The following NRCAM variants were observed in gnomAD, a reference collection of about 807,000 sequenced individuals.
The protein encoded by NRCAM is NgCAM-related cell adhesion molecule.
In NRCAM, 83 loss-of-function variants were observed where a neutral mutation model predicts 156.5. That is an observed-to-expected ratio of 0.53 (90% confidence interval 0.44 to 0.64). The LOEUF (loss-of-function observed/expected upper bound fraction) is 0.64. NRCAM is among the 30% of genes least tolerant of loss of function. NRCAM has a pLI of 0.00. For synonymous variants in NRCAM, 538 were observed against 563.9 expected (o/e 0.95, Z 0.65); for missense variants, 1,417 against 1,597.3 (o/e 0.89, Z 1.92).
At chr7:108,276,322 T>C (rs1479793014) in intron 3 of NRCAM, among the ~76,000 whole-genome samples, 1 of 152,196 alleles carries the variant, frequency 6.6e-6, no homozygotes, top group Non-Finnish European at 1.5e-5. Flanking sequence ...TGTCTAATAT[T>C]CACAGTGGGG....
At chr7:108,405,339 T>C (rs924015621) in intron 1 of NRCAM, among the ~76,000 whole-genome samples, 1 of 152,218 alleles carries the variant, frequency 6.6e-6, no homozygotes. Context: ...GAACATGTTT[T>C]CGGGTATGAA....
At chr7:108,375,652 T>G (rs1450745662) in intron 2 of NRCAM, among the ~76,000 whole-genome samples, 1 of 152,334 alleles carries the variant, frequency 6.6e-6, no homozygotes, top group Admixed American at 6.5e-5. Flanking sequence ...CTAATCAAGC[T>G]ATAGCTCATC....
At position 108,181,807 on chromosome 7, in the gene NRCAM, T is replaced by A. The variant is rs2063647856; in HGVS notation, c.2646+15A>T. 3 of 1,581,618 alleles carry A rather than the reference T, an allele frequency of 1.9e-6. No individual in the cohort carries two copies. In the East Asian group the frequency reaches 6.7e-5, roughly 35 times the overall value. ...CCTTACTAAATAAAGCCACAAAAGG[T>A]CCCCTTTCACTTGCCCGATAGCCTT... On this transcript the variant is annotated intron_variant, in intron 24 of 32. Transcript: ENST00000379028.
At chr7:108,239,345 C>A (rs2095372539) in intron 4 of NRCAM, among the ~76,000 whole-genome samples, 1 of 152,114 alleles carries the variant, frequency 6.6e-6, no homozygotes. Context: ...ACTGTTTAAA[C>A]CAAATAAGAC....
chr7:108,442,667 CA>C (rs1484709575), intron 1 of NRCAM, among the ~76,000 whole-genome samples: 1 of 152,202 alleles, frequency 6.6e-6, no homozygotes, highest in Non-Finnish European at 1.5e-5. Context: ...AGTACATCTG[CA>C]AAATGACTTT....
chr7:108,214,871 A>T (rs1482035378), intron 11 of NRCAM, among the ~76,000 whole-genome samples: 1 of 152,216 alleles, frequency 6.6e-6, no homozygotes, highest in Non-Finnish European at 1.5e-5. Context: ...GTAGTCACTC[A>T]GGAGCAGGTT....
intron 1 of NRCAM, among the ~76,000 whole-genome samples, chr7:108,442,195 GGATGT>G (rs1366713921): frequency 6.6e-6 from 1 of 152,186 alleles, no homozygotes. Context: ...TATGATCACA[GGATGT>G]GATGTGCAGC....
At chr7:108,303,000 A>C (rs1332384134) in intron 3 of NRCAM, among the ~76,000 whole-genome samples, 1 of 152,124 alleles carries the variant, frequency 6.6e-6, no homozygotes, top group African/African-American at 2.4e-5. Context: ...ATTGCTCTGC[A>C]GCCCAGGTTG....
At chr7:108,316,993 G>A (rs959900830) in intron 2 of NRCAM, among the ~76,000 whole-genome samples, 3 of 152,150 alleles carry the variant, frequency 2.0e-5, no homozygotes, top group African/African-American at 7.2e-5. Context: ...TCTTTGTTCA[G>A]ATGTTTAAAA....
chr7:108,270,380 A>G (rs980176138), intron 3 of NRCAM, among the ~76,000 whole-genome samples: 7 of 152,236 alleles, frequency 4.6e-5, no homozygotes, highest in African/African-American at 1.7e-4. Flanking sequence ...GAGGCTTAAT[A>G]ATAATTCATT....
intron 2 of NRCAM, among the ~76,000 whole-genome samples, chr7:108,331,135 G>A (rs189170822): frequency 9.9e-5 from 15 of 151,670 alleles, no homozygotes; most frequent in Non-Finnish European, 1.3e-4. Flanking sequence ...GTAATGGCTC[G>A]TGCCTATAAT....
chr7:108,152,391 C>T (rs1405275637), intron 32 of NRCAM, among the ~76,000 whole-genome samples: 1 of 151,110 alleles, frequency 6.6e-6, no homozygotes, highest in Non-Finnish European at 1.5e-5. Flanking sequence ...GTTCTAGGAA[C>T]ACTAAGGAGC....
chr7:108,382,655 G>A (rs939392351), intron 2 of NRCAM, among the ~76,000 whole-genome samples: 1 of 151,996 alleles, frequency 6.6e-6, no homozygotes, highest in African/African-American at 2.4e-5. Context: ...AACTAACAGG[G>A]CAATCTGTAG....
At chr7:108,416,237 T>C (rs1801419835) in intron 1 of NRCAM, among the ~76,000 whole-genome samples, 1 of 152,230 alleles carries the variant, frequency 6.6e-6, no homozygotes, top group Non-Finnish European at 1.5e-5. Context: ...GCAGATGCAA[T>C]TCCAGGAGTA....
At chr7:108,248,017 T>A (rs2096072624) in intron 3 of NRCAM, among the ~76,000 whole-genome samples, 1 of 152,236 alleles carries the variant, frequency 6.6e-6, no homozygotes, top group Non-Finnish European at 1.5e-5. Context: ...GAAAATTTAA[T>A]TCTGAATATG....
intron 12 of NRCAM, 139 bp from the exon 13 acceptor site, chr7:108,207,798 T>C (rs1380720677): frequency 1.6e-6 from 1 of 608,184 alleles, no homozygotes; most frequent in East Asian, 2.9e-5. Flanking sequence ...AATAGATTTA[T>C]AAACAATGCT....
chr7:108,354,611 C>G (rs1316395540), intron 2 of NRCAM, among the ~76,000 whole-genome samples: 1 of 152,080 alleles, frequency 6.6e-6, no homozygotes, highest in Non-Finnish European at 1.5e-5. Context: ...AAAGCAATTT[C>G]AGGCTGGGCG....
chr7:108,161,549 T>C (rs1201061731), intron 30 of NRCAM, among the ~76,000 whole-genome samples: 1 of 152,238 alleles, frequency 6.6e-6, no homozygotes, highest in Non-Finnish European at 1.5e-5. Flanking sequence ...TTTTCTTCTT[T>C]TGACTCTATA....
In NRCAM at chr7:108,207,641, G is replaced by T; in HGVS notation, c.1094C>A (p.Thr365Lys). The change falls in exon 13 of 33, where the codon ACA (threonine) becomes AAA (lysine). Residue 365 changes from threonine to lysine, a missense_variant. Physicochemically the swap from Thr to Lys is moderately conservative, Grantham distance 78. Transcript: ENST00000379028. ...GGACAGCACAAGATTTTGAGGGGCT[G>T]TGATCCAGTATGGAGCCGCTTTATA... ...VRVKAAPYWI[T>K]APQNLVLSPG... is the part of the protein sequence containing the mutation. 1 of 1,613,414 alleles carries T rather than the reference G, an allele frequency of 6.2e-7. No homozygotes were observed.
Sources: gnomAD v4.1 joint callset for allele counts (sites outside exome capture counted in the v4.1 genomes callset) on GRCh38, gnomAD v4.1.1 for gene constraint, MANE v1.5 for transcripts, NCBI Gene and HGNC (gene_info 2026-07-23, HGNC 2026-07-21) for gene names.